LATS2: variants seen among roughly 807,000 people sequenced by gnomAD.
LATS2 encodes serine/threonine-protein kinase LATS2.
In LATS2, 24 loss-of-function variants were observed where a neutral mutation model predicts 76.0. The observed-to-expected ratio is 0.32, with a 90% CI of 0.23 to 0.44. The LOEUF (loss-of-function observed/expected upper bound fraction) is 0.44. LATS2 is among the 20% of genes least tolerant of loss of function. LATS2 has a pLI of 1.00. For missense variants in LATS2, 1,286 were observed against 1,481.2 expected (o/e 0.87, Z 2.16); for synonymous variants, 692 against 635.4 (o/e 1.09, Z -1.34).
intron 2 of LATS2, among the ~76,000 whole-genome samples, chr13:21,030,014 C>T (rs535325454): frequency 6.6e-6 from 1 of 151,934 alleles, no homozygotes; most frequent in South Asian, 2.1e-4. Flanking sequence ...ATCCCAGCTA[C>T]TCAGGAGGCT....
intron 5 of LATS2, 83 bp downstream of exon 5, chr13:20,983,141 C>T: frequency 1.1e-6 from 1 of 913,548 alleles, no homozygotes; most frequent in Non-Finnish European, 1.7e-6. Context: ...TTAGGAGCCA[C>T]TAGGATGGGA....
Position 20,975,135 on chromosome 13 carries a change from T to C in LATS2, c.3002A>G (p.Asn1001Ser), listed in dbSNP as rs1241999664. 1.2e-6 allele frequency: 2 copies of C among 1,614,160 alleles called. No homozygotes were observed. Among genetic ancestry groups the C allele is most frequent in the East Asian group, 2.2e-5 (1 of 44,876 alleles). ...PTISHPMDTS[N>S]FDPVDEESPW... ...GCTTTCTTCATCTACGGGGTCGAAA[T>C]TCGAGGTGTCCATGGGGTGGCTGAT... The change falls in exon 8 of 8, where the codon AAT (asparagine) becomes AGT (serine). Residue 1001 changes from asparagine (N) to serine (S), a missense_variant. Transcript: ENST00000382592.
chr13:21,009,995 T>C (rs997132759), intron 2 of LATS2, among the ~76,000 whole-genome samples: 4 of 152,120 alleles, frequency 2.6e-5, no homozygotes, highest in African/African-American at 9.7e-5. Context: ...AGGTCAGGTG[T>C]TCGAGACCAG....
intron 2 of LATS2, among the ~76,000 whole-genome samples, chr13:21,037,331 G>A (rs59421201): frequency 6.6e-6 from 1 of 152,210 alleles, no homozygotes; most frequent in South Asian, 2.1e-4. Context: ...TTGAACCCCA[G>A]AGGGGGAGGT....
intron 2 of LATS2, among the ~76,000 whole-genome samples, chr13:21,001,882 A>C (rs1013536467): frequency 6.6e-6 from 1 of 151,746 alleles, no homozygotes; most frequent in Non-Finnish European, 1.5e-5. Context: ...CCGTCTCAAA[A>C]AAATAGTAAT....
At chr13:21,024,160 ATAGTGG>A (rs1358336776) in intron 2 of LATS2, among the ~76,000 whole-genome samples, 1 of 151,080 alleles carries the variant, frequency 6.6e-6, no homozygotes. Flanking sequence ...TGGGCCGGGC[ATAGTGG>A]CTCACACTTG....
At chr13:21,001,196 T>C (rs1489389052) in intron 2 of LATS2, among the ~76,000 whole-genome samples, 3 of 152,252 alleles carry the variant, frequency 2.0e-5, no homozygotes, top group Non-Finnish European at 4.4e-5. Context: ...ATAAGACTTT[T>C]GTCACAATGG....
intron 2 of LATS2, among the ~76,000 whole-genome samples, chr13:21,030,591 CAAAAAAAAAAAAAAAAAAAA>C (rs1391959041): frequency 1.2e-4 from 3 of 25,724 alleles, no homozygotes; most frequent in Non-Finnish European, 2.7e-4. Context: ...GACTCCGTCT[CAAAAAAAAAAAAAAAAAAAA>C]GAAAAAAAAA....
intron 5 of LATS2, among the ~76,000 whole-genome samples, chr13:20,982,842 T>C (rs1191991277): frequency 6.6e-6 from 1 of 151,194 alleles, no homozygotes; most frequent in Non-Finnish European, 1.5e-5. Context: ...AAATACAAAA[T>C]TAGCCAGAGG....
chr13:21,014,190 C>T (rs994765301), intron 2 of LATS2, among the ~76,000 whole-genome samples: 3 of 152,072 alleles, frequency 2.0e-5, no homozygotes, highest in Admixed American at 1.3e-4. Context: ...GGGGGAAAGG[C>T]GCGCAGGTCA....
At chr13:21,035,096 A>C (rs888104015) in intron 2 of LATS2, among the ~76,000 whole-genome samples, 3 of 152,238 alleles carry the variant, frequency 2.0e-5, no homozygotes, top group Admixed American at 6.5e-5. Context: ...CAAAACCAAA[A>C]CAAAACAAAA....
At chr13:20,978,323 C>T (rs7990975) in intron 7 of LATS2, among the ~76,000 whole-genome samples, 24,908 of 151,994 alleles carry the variant, frequency 0.16, 3,095 homozygotes, top group East Asian at 0.57. Flanking sequence ...ATTCCAAGGA[C>T]TGTGTGTCAG....
intron 2 of LATS2, among the ~76,000 whole-genome samples, chr13:21,010,150 A>C (rs959531783): frequency 6.6e-6 from 1 of 152,142 alleles, no homozygotes; most frequent in African/African-American, 2.4e-5. Context: ...CAGTGAGCCA[A>C]GATCGCACCA....
At chr13:21,037,752 C>T (rs1402270677) in intron 2 of LATS2, among the ~76,000 whole-genome samples, 1 of 152,154 alleles carries the variant, frequency 6.6e-6, no homozygotes, top group Non-Finnish European at 1.5e-5. Context: ...GGGCCTGGTC[C>T]CGCAGCAGGG....
At position 21,042,923 on chromosome 13, in the gene LATS2, G is replaced by C. The variant is rs187036182; in HGVS notation, c.342+2762C>G. ...TGCTTGAACCTGGGAGGCAGAAGTTGCAGTGAGCCGAGATTGCGCCACTGC... is the reference window on the plus strand; with the variant it reads ...TGCTTGAACCTGGGAGGCAGAAGTTCCAGTGAGCCGAGATTGCGCCACTGC... On this transcript the variant is annotated intron_variant, in intron 2 of 7. Transcript: ENST00000382592. Among the ~76,000 whole-genome samples, 377 of 151,772 alleles carry C rather than the reference G, an allele frequency of 2.5e-3. 4 individuals are homozygous for C. The highest frequency in any genetic ancestry group is 7.2e-3 in the African/African-American group (297 of 41,320).
intron 2 of LATS2, among the ~76,000 whole-genome samples, chr13:20,999,862 A>AC (rs1488992527): frequency 1.5e-5 from 1 of 67,404 alleles, no homozygotes; most frequent in Non-Finnish European, 3.0e-5. Flanking sequence ...TACTAAACAT[A>AC]CAAAAAAAAA....
intron 2 of LATS2, among the ~76,000 whole-genome samples, chr13:21,031,977 A>G (rs1482688259): frequency 6.6e-6 from 1 of 152,232 alleles, no homozygotes; most frequent in African/African-American, 2.4e-5. Flanking sequence ...AAAACTAACA[A>G]AATTTGTCAT....
At chr13:21,060,394 G>A (rs1368978462) in intron 1 of LATS2, among the ~76,000 whole-genome samples, 3 of 152,354 alleles carry the variant, frequency 2.0e-5, no homozygotes, top group Non-Finnish European at 4.4e-5. Flanking sequence ...CGCTAAACTA[G>A]GGCACGGGAA....
intron 2 of LATS2, among the ~76,000 whole-genome samples, chr13:21,021,576 A>G (rs1196123723): frequency 1.4e-5 from 2 of 147,350 alleles, no homozygotes; most frequent in African/African-American, 5.0e-5. Flanking sequence ...CCAAGTTCTT[A>G]CTCCAGTGTG....
Sources: gnomAD v4.1 joint callset for allele counts (sites outside exome capture counted in the v4.1 genomes callset) on GRCh38, gnomAD v4.1.1 for gene constraint, MANE v1.5 for transcripts, NCBI Gene and HGNC (gene_info 2026-07-23, HGNC 2026-07-21) for gene names.